GLMN: variants seen among roughly 807,000 people sequenced by gnomAD.
GLMN encodes glomulin.
A neutral mutation model predicts 87.8 loss-of-function variants in GLMN; 75 were observed. The observed-to-expected ratio is 0.85, with a 90% confidence interval of 0.71 to 1.04. The LOEUF (loss-of-function observed/expected upper bound fraction) is 1.04, where lower values mean the gene tolerates loss of function less well. Ranked by LOEUF, GLMN falls within the 50% of genes least tolerant of loss-of-function variation. The pLI is 0.00. For missense variants in GLMN, 588 were observed against 658.8 expected, an observed-to-expected ratio of 0.89 and a Z score of 1.18; for synonymous variants, 206 against 221.6, an observed-to-expected ratio of 0.93 and a Z score of 0.63.
the GLMN span, among the ~76,000 whole-genome samples, chr1:92,348,496 T>G: frequency 6.6e-6 from 1 of 152,374 alleles, no homozygotes; most frequent in East Asian, 1.9e-4. Flanking sequence ...CTTTTCATTC[T>G]GCATTTGCAC....
chr1:92,299,247 G>T, upstream of GLMN: 2 of 597,610 alleles, frequency 3.3e-6, no homozygotes, highest in Non-Finnish European at 5.4e-6. Context: ...GGCTGCTTCA[G>T]GGGAGGGGTT....
intron 3 of GLMN, among the ~76,000 whole-genome samples, chr1:92,297,135 TGA>T (rs1249289603): frequency 6.7e-6 from 1 of 148,394 alleles, no homozygotes; most frequent in Non-Finnish European, 1.5e-5. Context: ...TTTTTTTTTC[TGA>T]GACAGGGTCT....
At chr1:92,351,759 C>T in the GLMN span, among the ~76,000 whole-genome samples, 2 of 152,146 alleles carry the variant, frequency 1.3e-5, no homozygotes, top group Non-Finnish European at 2.9e-5. Flanking sequence ...TTGACTGGCC[C>T]GAGTTCCTTT....
the GLMN span, among the ~76,000 whole-genome samples, chr1:92,305,358 G>C: frequency 6.7e-6 from 1 of 148,252 alleles, no homozygotes; most frequent in Non-Finnish European, 1.5e-5. Flanking sequence ...GCGTGAACCC[G>C]GGAGGCGGAG....
At chr1:92,304,920 G>C in the GLMN span, among the ~76,000 whole-genome samples, 1 of 152,098 alleles carries the variant, frequency 6.6e-6, no homozygotes, top group African/African-American at 2.4e-5. Context: ...CGGATTACCT[G>C]AGCTCAAGGA....
the GLMN span, among the ~76,000 whole-genome samples, chr1:92,331,212 C>T: frequency 6.6e-6 from 1 of 152,086 alleles, no homozygotes; most frequent in Non-Finnish European, 1.5e-5. Context: ...TTTCTATTTG[C>T]TTTTTTTCTT....
the GLMN span, among the ~76,000 whole-genome samples, chr1:92,339,815 C>T: frequency 6.6e-6 from 1 of 152,092 alleles, no homozygotes; most frequent in African/African-American, 2.4e-5. Flanking sequence ...CTCTTATAAA[C>T]TATTATGACT....
intron 16 of GLMN, among the ~76,000 whole-genome samples, chr1:92,259,797 T>C (rs535020840): frequency 1.7e-4 from 24 of 142,078 alleles, no homozygotes; most frequent in South Asian, 2.4e-4. Flanking sequence ...TGCAGTGGCA[T>C]GATCTCGGCT....
At chr1:92,268,277 G>T in intron 9 of GLMN, 142 bp from the exon 10 acceptor site, 1 of 620,514 alleles carries the variant, frequency 1.6e-6, no homozygotes, top group Non-Finnish European at 2.9e-6. Flanking sequence ...TGAAGAACTT[G>T]ATCAAAAGTT....
At chr1:92,311,163 C>A in the GLMN span, among the ~76,000 whole-genome samples, 1 of 152,080 alleles carries the variant, frequency 6.6e-6, no homozygotes, top group Non-Finnish European at 1.5e-5. Flanking sequence ...GGATTTAGCT[C>A]ACGTTTTTGG....
chr1:92,257,191 C>G (rs1040442936), intron 16 of GLMN, among the ~76,000 whole-genome samples: 1 of 152,092 alleles, frequency 6.6e-6, no homozygotes, highest in Non-Finnish European at 1.5e-5. Context: ...ATCCAACTTG[C>G]AAGGGATGTG....
At chr1:92,275,181 A>G (rs1647195987) in intron 7 of GLMN, among the ~76,000 whole-genome samples, 1 of 151,888 alleles carries the variant, frequency 6.6e-6, no homozygotes, top group Non-Finnish European at 1.5e-5. Flanking sequence ...AGTATTCCAA[A>G]CCTTTACCAG....
At chr1:92,350,462 T>C in the GLMN span, among the ~76,000 whole-genome samples, 1 of 152,200 alleles carries the variant, frequency 6.6e-6, no homozygotes, top group Admixed American at 6.5e-5. Context: ...TTTTGCATCT[T>C]AGTTGAAGTT....
the GLMN span, among the ~76,000 whole-genome samples, chr1:92,317,607 T>C: frequency 6.6e-6 from 1 of 152,170 alleles, no homozygotes; most frequent in Admixed American, 6.6e-5. Context: ...GAAAAAGTGC[T>C]GGAGATGCAT....
At chr1:92,262,193 A>G (rs372590117) in intron 16 of GLMN, among the ~76,000 whole-genome samples, 1 of 152,218 alleles carries the variant, frequency 6.6e-6, no homozygotes. Flanking sequence ...GAATTACTAA[A>G]AAAAAACCAA....
chr1:92,264,253 C>CA (rs1300736099), intron 14 of GLMN, among the ~76,000 whole-genome samples: 2 of 152,042 alleles, frequency 1.3e-5, no homozygotes, highest in Non-Finnish European at 2.9e-5. Context: ...GTGGAGGCTG[C>CA]AGTGAGCTGA....
chr1:92,249,101 G>GT lies in GLMN; in HGVS notation c.1474-1113dup, dbSNP rs1259759929. ...AAAACTATACAGCCATTAAAATACTGTTTTTCAGTACATATTGGTGAATGG... is the reference window on the plus strand; with the variant it reads ...AAAACTATACAGCCATTAAAATACTGTTTTTTCAGTACATATTGGTGAATGG... On this transcript the variant is annotated intron_variant, in intron 16 of 18. Coordinates refer to ENST00000370360, the MANE Select transcript of GLMN (RefSeq NM_053274.3). 2.0e-5 allele frequency among the ~76,000 whole-genome samples: 3 copies of GT among 151,816 alleles called. No individual in the cohort carries two copies. The East Asian group carries it at 5.8e-4, about 29-fold the overall frequency.
At chr1:92,266,917 A>AT (rs1655702776) in intron 11 of GLMN, among the ~76,000 whole-genome samples, 176 bp from the exon 12 acceptor site, 1 of 152,130 alleles carries the variant, frequency 6.6e-6, no homozygotes, top group Non-Finnish European at 1.5e-5. Flanking sequence ...ACTACAATTG[A>AT]TTTTTTAAGT....
At chr1:92,274,636 A>T (rs1457961574) in intron 7 of GLMN, among the ~76,000 whole-genome samples, 1 of 152,140 alleles carries the variant, frequency 6.6e-6, no homozygotes, top group Non-Finnish European at 1.5e-5. Flanking sequence ...ATCAAGCAAC[A>T]AGTCATTGCA....
Sources: allele counts gnomAD v4.1 joint callset (sites outside exome capture counted in the v4.1 genomes callset), GRCh38; gene constraint gnomAD v4.1.1; transcripts MANE v1.5; gene names NCBI Gene and HGNC (gene_info 2026-07-23, HGNC 2026-07-21).